EDIL3: variants seen among roughly 807,000 people sequenced by gnomAD.
EDIL3 encodes EGF like and discoidin domains 3.
A neutral mutation model predicts 67.4 loss-of-function variants in EDIL3; 37 were observed. The ratio of observed to expected loss-of-function variants is 0.55; its 90% CI spans 0.42 to 0.72. The LOEUF (loss-of-function observed/expected upper bound fraction) is 0.72, where lower values mean the gene tolerates loss of function less well. Among genes scored for constraint, EDIL3 ranks in the 30% least tolerant of loss-of-function variants. The probability of loss-of-function intolerance (pLI) is 0.00; values close to 1 mark genes in which losing one functional copy is unlikely to be tolerated. For synonymous variants in EDIL3, 195 were observed against 196.3 expected (o/e 0.99, Z 0.05); for missense variants, 527 against 586.3 (o/e 0.90, Z 1.04).
At chr5:84,134,045 G>A (rs1748045669) in intron 5 of EDIL3, among the ~76,000 whole-genome samples, 1 of 151,896 alleles carries the variant, frequency 6.6e-6, no homozygotes, top group Non-Finnish European at 1.5e-5. Context: ...TGTTCAATAG[G>A]TAATTGATTT....
At chr5:84,055,162 A>G (rs1746420017) in intron 9 of EDIL3, among the ~76,000 whole-genome samples, 1 of 146,246 alleles carries the variant, frequency 6.8e-6, no homozygotes, top group Non-Finnish European at 1.5e-5. Flanking sequence ...ACACACATCT[A>G]CAACTATCTG....
At chr5:84,203,930 A>G (rs898870390) in intron 3 of EDIL3, among the ~76,000 whole-genome samples, 11 of 152,198 alleles carry the variant, frequency 7.2e-5, no homozygotes, top group Admixed American at 2.0e-4. Context: ...GTTTTTGCCA[A>G]TCCTTAGAAG....
intron 4 of EDIL3, among the ~76,000 whole-genome samples, chr5:84,145,629 A>G (rs1338998628): frequency 1.3e-5 from 2 of 152,120 alleles, no homozygotes; most frequent in African/African-American, 4.8e-5. Flanking sequence ...TTGAGTCCAT[A>G]TCACTCAGAC....
intron 3 of EDIL3, among the ~76,000 whole-genome samples, chr5:84,183,932 C>A (rs780226610): frequency 7.2e-5 from 11 of 152,134 alleles, no homozygotes; most frequent in Non-Finnish European, 1.3e-4. Flanking sequence ...CATGGTGAAA[C>A]CCCGTCTCTA....
intron 1 of EDIL3, among the ~76,000 whole-genome samples, chr5:84,354,798 T>C (rs955861852): frequency 1.3e-5 from 2 of 152,194 alleles, no homozygotes; most frequent in Non-Finnish European, 2.9e-5. Context: ...CTTACACAAT[T>C]TTTATACCTT....
intron 9 of EDIL3, among the ~76,000 whole-genome samples, chr5:84,025,971 T>C (rs1384763720): frequency 1.3e-5 from 2 of 152,118 alleles, no homozygotes. Context: ...TGGGTTTGGG[T>C]TTCTTGCCTG....
intron 1 of EDIL3, among the ~76,000 whole-genome samples, chr5:84,269,349 C>T (rs1026655861): frequency 6.6e-6 from 1 of 151,962 alleles, no homozygotes; most frequent in African/African-American, 2.4e-5. Context: ...AATCAATCAC[C>T]CTTGTACAAA....
intron 5 of EDIL3, among the ~76,000 whole-genome samples, chr5:84,110,424 A>T (rs961036510): frequency 2.0e-5 from 3 of 152,212 alleles, no homozygotes; most frequent in Non-Finnish European, 4.4e-5. Flanking sequence ...ACCTAAGATT[A>T]AGTGACCTTA....
At chr5:84,177,293 G>T (rs1187707082) in intron 4 of EDIL3, among the ~76,000 whole-genome samples, 1 of 151,970 alleles carries the variant, frequency 6.6e-6, no homozygotes, top group Admixed American at 6.6e-5. Context: ...AAAAACACAC[G>T]GAGGAACCTT....
chr5:84,176,201 ATATAT>A (rs1748904676), intron 4 of EDIL3, among the ~76,000 whole-genome samples: 1 of 9,192 alleles, frequency 1.1e-4, no homozygotes, highest in Non-Finnish European at 3.3e-4. Flanking sequence ...TATATATAAT[ATATAT>A]ATATATATAT....
At chr5:84,327,241 T>C (rs1037297758) in intron 1 of EDIL3, among the ~76,000 whole-genome samples, 5 of 151,984 alleles carry the variant, frequency 3.3e-5, no homozygotes, top group African/African-American at 1.2e-4. Flanking sequence ...ACCAAAACTT[T>C]GTAACTATTG....
Position 84,339,885 on chromosome 5 carries a change from T to G in EDIL3, c.67+44423A>C, listed in dbSNP as rs866772516. 1.3e-3 allele frequency among the ~76,000 whole-genome samples: 203 copies of G among 152,204 alleles called. 1 individual carries two copies. Among genetic ancestry groups the G allele is most frequent in the African/African-American group, 4.4e-3 (182 of 41,564 alleles). On this transcript the variant is annotated intron_variant, in intron 1 of 10. Transcript: ENST00000296591. ...CCTTAATCTGTTAAAATATACCTAATTATTGAATTTTATTCTTGTTCTAAT... is the reference window on the plus strand; with the variant it reads ...CCTTAATCTGTTAAAATATACCTAAGTATTGAATTTTATTCTTGTTCTAAT...
At chr5:84,147,054 C>T (rs1198228866) in intron 4 of EDIL3, among the ~76,000 whole-genome samples, 4 of 152,018 alleles carry the variant, frequency 2.6e-5, no homozygotes, top group African/African-American at 7.2e-5. Context: ...GGTGACAGAT[C>T]CCCTGCTTGG....
At position 84,213,114 on chromosome 5, in the gene EDIL3, T is replaced by G. The variant is rs895884191; in HGVS notation, c.226+16741A>C. On this transcript the variant is annotated intron_variant, in intron 3 of 10. Transcript: ENST00000296591. ...AATTTTAAAAGTACGACAACTTGCT[T>G]GAGCATTCTGGCTACAGAATATCAG... Among the ~76,000 whole-genome samples, 49 of 152,092 alleles carry G rather than the reference T, an allele frequency of 3.2e-4. 1 individual carries two copies. The highest frequency in any genetic ancestry group is 5.9e-4 in the Non-Finnish European group (40 of 68,000).
chr5:84,109,141 T>C (rs1421078979), intron 5 of EDIL3, among the ~76,000 whole-genome samples: 2 of 152,186 alleles, frequency 1.3e-5, no homozygotes, highest in African/African-American at 4.8e-5. Flanking sequence ...AATATATATG[T>C]GCAACTCACT....
chr5:84,080,296 CT>C (rs1746940833), intron 6 of EDIL3, among the ~76,000 whole-genome samples: 1 of 20,238 alleles, frequency 4.9e-5, no homozygotes. Context: ...GAGACTCTGT[CT>C]CAAAAAAAAA....
At chr5:84,153,194 G>A (rs1288107626) in intron 4 of EDIL3, among the ~76,000 whole-genome samples, 1 of 152,130 alleles carries the variant, frequency 6.6e-6, no homozygotes, top group East Asian at 1.9e-4. Flanking sequence ...GTTAAATAAT[G>A]TATTTAAACC....
intron 9 of EDIL3, among the ~76,000 whole-genome samples, chr5:84,026,501 C>A (rs1035317235): frequency 3.9e-5 from 6 of 151,952 alleles, no homozygotes; most frequent in African/African-American, 1.4e-4. Context: ...TACTATTTAA[C>A]CTTCTGCCTC....
At chr5:84,176,755 A>ATGTG (rs3046874) in intron 4 of EDIL3, among the ~76,000 whole-genome samples, 79 of 149,910 alleles carry the variant, frequency 5.3e-4, no homozygotes, top group South Asian at 2.1e-3. Flanking sequence ...GTGTGTATAT[A>ATGTG]TGTGTGTGTG....
Sources: gnomAD v4.1 joint callset for allele counts (sites outside exome capture counted in the v4.1 genomes callset) on GRCh38, gnomAD v4.1.1 for gene constraint, MANE v1.5 for transcripts, NCBI Gene and HGNC (gene_info 2026-07-23, HGNC 2026-07-21) for gene names.